The following COQ5 variants were observed in gnomAD, a reference collection of about 807,000 sequenced individuals.
COQ5 encodes the protein 2-methoxy-6-polyprenyl-1,4-benzoquinol methylase, mitochondrial.
In COQ5, 27 loss-of-function variants were observed where a neutral mutation model predicts 40.5. The observed-to-expected ratio is 0.67, with a 90% CI of 0.49 to 0.92. The LOEUF is 0.92. Ranked by LOEUF, COQ5 falls within the 40% of genes least tolerant of loss-of-function variation. The pLI is 0.00. For missense variants in COQ5, 409 were observed against 406.4 expected, an observed-to-expected ratio of 1.01 and a Z score of -0.06; for synonymous variants, 141 against 150.0, an observed-to-expected ratio of 0.94 and a Z score of 0.44.
chr12:120,504,080 G>A lies in COQ5; in HGVS notation c.772C>T (p.Leu258Phe), dbSNP rs1868772071. The change falls in exon 6 of 7, where the codon CTT becomes TTT. Residue 258 changes from leucine to phenylalanine, a missense_variant and splice_region_variant. By Grantham distance (22) the Leu-to-Phe change is conservative. Transcript: ENST00000288532. ...ACCTGGAAGCTATATAGATCATAAA[G>A]CCTAGGCAAACAAAAAGGTAAAAGA... is the stretch of plus-strand genomic sequence containing the variant. ...SQVNNPLISR[L>F]YDLYSFQVIP... 6.3e-7 allele frequency: 1 copy of A among 1,580,260 alleles called. No individual in the cohort carries two copies. Among genetic ancestry groups the A allele is most frequent in the Non-Finnish European group, 8.7e-7 (1 of 1,149,400 alleles).
At chr12:120,526,665 A>G (rs1481915252) in intron 1 of COQ5, 1 of 260,498 alleles carries the variant, frequency 3.8e-6, no homozygotes, top group Non-Finnish European at 7.7e-6. Flanking sequence ...TACGACAAGA[A>G]GGTGGCAAAT....
chr12:120,509,258 T>C (rs1433520773), intron 4 of COQ5, among the ~76,000 whole-genome samples: 1 of 152,138 alleles, frequency 6.6e-6, no homozygotes, highest in Non-Finnish European at 1.5e-5. Flanking sequence ...GGCTCAGGCC[T>C]GTAATCCCAG....
At chr12:120,508,081 C>T (rs868269288) in intron 4 of COQ5, among the ~76,000 whole-genome samples, 43 of 150,782 alleles carry the variant, frequency 2.9e-4, no homozygotes, top group Middle Eastern at 3.4e-3. Flanking sequence ...CTGCAGCCTC[C>T]GCCTCCTGGG....
intron 1 of COQ5, 65 bp downstream of exon 1, chr12:120,528,875 C>G (rs867385751): frequency 9.1e-6 from 13 of 1,432,348 alleles, no homozygotes; most frequent in Non-Finnish European, 1.2e-5. Flanking sequence ...TCAACCCTAA[C>G]TGGCCAGAAG....
At chr12:120,508,994 C>G (rs1593015070) in intron 4 of COQ5, among the ~76,000 whole-genome samples, 1 of 150,834 alleles carries the variant, frequency 6.6e-6, no homozygotes, top group East Asian at 1.9e-4. Context: ...CACTGCACTC[C>G]AGCCTGGCAA....
chr12:120,516,815 T>C (rs1388542138), intron 2 of COQ5, 27 bp from the exon 3 acceptor site: 5 of 1,588,546 alleles, frequency 3.1e-6, no homozygotes, highest in South Asian at 1.1e-5. Context: ...TGAGGAAAGA[T>C]GCAGACTAAA....
At chr12:120,513,559 A>G (rs1404462998) in intron 3 of COQ5, among the ~76,000 whole-genome samples, 3 of 149,606 alleles carry the variant, frequency 2.0e-5, no homozygotes, top group Admixed American at 1.3e-4. Flanking sequence ...TTTTTGAGAC[A>G]GAGCCTTGCT....
At chr12:120,525,888 G>A (rs1450206451) in intron 1 of COQ5, among the ~76,000 whole-genome samples, 1 of 151,808 alleles carries the variant, frequency 6.6e-6, no homozygotes, top group African/African-American at 2.4e-5. Flanking sequence ...TCGTGCCACC[G>A]CACTCCAGCC....
intron 1 of COQ5, chr12:120,526,614 A>G: frequency 9.3e-6 from 3 of 321,212 alleles, no homozygotes; most frequent in Non-Finnish European, 1.9e-5. Context: ...AAACTTAGAA[A>G]GAAATATGGC....
At chr12:120,514,691 C>T (rs1020216300) in intron 3 of COQ5, among the ~76,000 whole-genome samples, 8 of 151,816 alleles carry the variant, frequency 5.3e-5, no homozygotes, top group East Asian at 2.0e-4. Context: ...TGTAGTGACC[C>T]GAGATCGCTC....
At chr12:120,525,729 C>T (rs560893756) in intron 1 of COQ5, among the ~76,000 whole-genome samples, 1 of 151,838 alleles carries the variant, frequency 6.6e-6, no homozygotes, top group African/African-American at 2.4e-5. Flanking sequence ...TCGAGACCAT[C>T]CTAGCTAACA....
intron 1 of COQ5, chr12:120,522,899 C>A: frequency 1.4e-6 from 1 of 721,526 alleles, no homozygotes; most frequent in South Asian, 1.5e-5. Context: ...TTACAAGGGC[C>A]TTGATAGCGT....
rs55830211 is a variant in COQ5, at chr12:120,527,988, CAAAAAAAAAAAAAAA to C, written c.202+937_202+951del. Among the ~76,000 whole-genome samples, 200 of 23,034 alleles carry C rather than the reference CAAAAAAAAAAAAAAA, an allele frequency of 8.7e-3. 1 individual carries two copies. In the East Asian group the frequency reaches 0.17, roughly 20 times the overall value. 15.1% of individuals were successfully genotyped at this position (23,034 alleles called of 152,430 possible). ...GGGGTGACAGAGAGAGACTCAGTCT[CAAAAAAAAAAAAAAA>C]AAAAAAAAAAAAAAAAAAAGAAACC... On this transcript the variant is annotated intron_variant, in intron 1 of 6. Coordinates refer to ENST00000288532, the MANE Select transcript of COQ5 (RefSeq NM_032314.4).
chr12:120,518,986 A>T (rs972980702), intron 2 of COQ5, among the ~76,000 whole-genome samples: 9 of 152,256 alleles, frequency 5.9e-5, no homozygotes, highest in African/African-American at 2.2e-4. Context: ...CAACATTTAA[A>T]AACATAAACA....
intron 3 of COQ5, among the ~76,000 whole-genome samples, chr12:120,516,228 A>C (rs900495892): frequency 6.6e-6 from 1 of 152,136 alleles, no homozygotes; most frequent in Non-Finnish European, 1.5e-5. Flanking sequence ...ATGACAGCAA[A>C]ACTTCTGTCT....
chr12:120,505,849 C>G (rs1379717105), intron 4 of COQ5, among the ~76,000 whole-genome samples: 1 of 151,356 alleles, frequency 6.6e-6, no homozygotes, highest in Non-Finnish European at 1.5e-5. Flanking sequence ...AGCCACCGCA[C>G]CCAGCCTATT....
intron 4 of COQ5, among the ~76,000 whole-genome samples, chr12:120,506,994 T>C (rs1460961750): frequency 2.6e-5 from 4 of 151,330 alleles, no homozygotes; most frequent in Non-Finnish European, 5.9e-5. Context: ...CCACCATGCC[T>C]GGCTAATTTT....
intron 3 of COQ5, among the ~76,000 whole-genome samples, chr12:120,512,129 G>A (rs911006109): frequency 2.6e-5 from 4 of 152,094 alleles, no homozygotes; most frequent in African/African-American, 9.7e-5. Context: ...AGAATGGTGT[G>A]AACCTGGGAG....
At chr12:120,522,409 C>T in intron 1 of COQ5, 46 bp from the exon 2 acceptor site, 1 of 1,597,688 alleles carries the variant, frequency 6.3e-7, no homozygotes, top group Non-Finnish European at 8.6e-7. Flanking sequence ...ACAGAATTCC[C>T]TTAGAAAAAT....
Sources: allele counts gnomAD v4.1 joint callset (sites outside exome capture counted in the v4.1 genomes callset), GRCh38; gene constraint gnomAD v4.1.1; transcripts MANE v1.5; gene names NCBI Gene and HGNC (gene_info 2026-07-23, HGNC 2026-07-21).